Variants in CNOT4 observed in about 807,000 individuals in gnomAD.
CNOT4 encodes CCR4-NOT transcription complex subunit 4, also known as CCR4-associated factor 4.
A neutral mutation model predicts 73.8 loss-of-function variants in CNOT4; 8 were observed. The ratio of observed to expected loss-of-function variants is 0.11; its 90% CI spans 0.06 to 0.20. The LOEUF (loss-of-function observed/expected upper bound fraction) is 0.20. Among genes scored for constraint, CNOT4 ranks in the 10% least tolerant of loss-of-function variants. The pLI, the probability that CNOT4 is intolerant of heterozygous loss-of-function variation, is 1.00. For synonymous variants in CNOT4, 293 were observed against 321.1 expected (o/e 0.91, Z 0.94); for missense variants, 564 against 883.4 (o/e 0.64, Z 4.58).
intron 10 of CNOT4, among the ~76,000 whole-genome samples, chr7:135,377,870 GAAGAC>G (rs1460617720): frequency 6.6e-6 from 1 of 152,092 alleles, no homozygotes; most frequent in Non-Finnish European, 1.5e-5. Context: ...AGGCAAAAAA[GAAGAC>G]TAGATGAAAA....
chr7:135,392,452 C>T (rs753267455), intron 10 of CNOT4, among the ~76,000 whole-genome samples: 1 of 152,010 alleles, frequency 6.6e-6, no homozygotes, highest in African/African-American at 2.4e-5. Flanking sequence ...ATGAGATACA[C>T]TACTAGTAAT....
chr7:135,509,832 T>C, intron 1 of CNOT4, 57 bp downstream of exon 1: 1 of 389,290 alleles, frequency 2.6e-6, no homozygotes, highest in South Asian at 1.4e-4. Flanking sequence ...AAGCCTCCGC[T>C]CTCTCGTAGC....
chr7:135,444,833 G>A (rs1019583126), intron 1 of CNOT4: 28 of 1,606,614 alleles, frequency 1.7e-5, no homozygotes, highest in Non-Finnish European at 2.3e-5. Flanking sequence ...CCAAGGCAGG[G>A]CTTTTGGCAC....
At chr7:135,496,346 G>A (rs1458175654) in intron 1 of CNOT4, among the ~76,000 whole-genome samples, 1 of 152,152 alleles carries the variant, frequency 6.6e-6, no homozygotes, top group Non-Finnish European at 1.5e-5. Context: ...GCTCGCCTTG[G>A]CCTCCCACAG....
intron 7 of CNOT4, among the ~76,000 whole-genome samples, chr7:135,405,181 C>T (rs981299013): frequency 2.0e-5 from 3 of 151,964 alleles, no homozygotes; most frequent in African/African-American, 4.8e-5. Flanking sequence ...TTTTTTTACC[C>T]GTAGTAAGAA....
chr7:135,389,215 C>CT (rs36060528), intron 10 of CNOT4, among the ~76,000 whole-genome samples: 5,047 of 147,972 alleles, frequency 0.034, 296 homozygotes, highest in African/African-American at 0.12. Context: ...CCAATTGGAC[C>CT]CTTATAGATA....
intron 2 of CNOT4, among the ~76,000 whole-genome samples, chr7:135,427,944 T>C (rs1798597962): frequency 6.6e-6 from 1 of 152,254 alleles, no homozygotes; most frequent in South Asian, 2.1e-4. Context: ...ATGGTAGTCT[T>C]TGGCAAGATA....
intron 2 of CNOT4, among the ~76,000 whole-genome samples, chr7:135,428,385 A>G (rs1387187018): frequency 1.3e-5 from 2 of 152,232 alleles, no homozygotes; most frequent in African/African-American, 4.8e-5. Flanking sequence ...GCAGAAATAT[A>G]GCCCACAGAC....
At chr7:135,444,760 G>A (rs1585653484) in intron 1 of CNOT4, 1 of 1,500,200 alleles carries the variant, frequency 6.7e-7, no homozygotes, top group East Asian at 2.3e-5. Context: ...ACTCTTCATG[G>A]TCACTGGGGC....
intron 1 of CNOT4, among the ~76,000 whole-genome samples, chr7:135,463,611 A>C (rs1463135447): frequency 6.6e-6 from 1 of 151,560 alleles, no homozygotes; most frequent in African/African-American, 2.4e-5. Context: ...ACCATCCTGG[A>C]TGTAGGAACC....
chr7:135,394,381 T>C lies in CNOT4; in HGVS notation c.1164A>G (p.Gln388=), dbSNP rs370358574. 1 of 1,613,752 alleles carries C rather than the reference T, an allele frequency of 6.2e-7. No individual in the cohort carries two copies. Among genetic ancestry groups the C allele is most frequent in the South Asian group, 1.1e-5 (1 of 91,042 alleles). ...TAGAAGAACCAAAGCCAAAAGCTGC[T>C]TGCCAGTCTGTAGAGGATGATACTG... The part of the protein sequence containing the change: ...TIPVSSSTDW[Q]AAFGFGSSKQ... The change falls in exon 10 of 12, where the codon CAA becomes CAG. Residue 388 remains glutamine (Q), a synonymous_variant. Coordinates refer to ENST00000541284, the MANE Select transcript of CNOT4 (RefSeq NM_001190850.2).
chr7:135,467,379 T>A (rs1443575037), intron 1 of CNOT4, among the ~76,000 whole-genome samples: 2 of 152,046 alleles, frequency 1.3e-5, no homozygotes, highest in Non-Finnish European at 2.9e-5. Flanking sequence ...TCGCTGTGAG[T>A]CAGCCTTCTT....
At chr7:135,377,304 C>T (rs7455447) in intron 10 of CNOT4, among the ~76,000 whole-genome samples, 11,712 of 152,234 alleles carry the variant, frequency 0.077, 507 homozygotes, top group Middle Eastern at 0.13. Context: ...CTGTGTTCCA[C>T]CTATTCACCA....
At position 135,362,912 on chromosome 7, in the gene CNOT4, T is replaced by C. The variant is rs1462670900; in HGVS notation, c.2115A>G (p.Leu705=). ...AATGGCGGTCCAGTGTTGAACTCTG[T>C]AGTAAATCTGTGGGGGTTTTGCTGG... The part of the protein sequence containing the change: ...RPPSKTPTDL[L]QSSTLDRH Residue 705 remains leucine (L), a synonymous_variant, in exon 12 of 12, where the codon CTA becomes CTG. Transcript: ENST00000541284. The C allele has an allele frequency of 6.2e-7, 1 of 1,612,196 alleles. No individual in the cohort carries two copies. The highest frequency in any genetic ancestry group is 1.1e-5 in the South Asian group (1 of 91,018).
chr7:135,478,731 C>G (rs1802159347), intron 1 of CNOT4, among the ~76,000 whole-genome samples: 2 of 152,012 alleles, frequency 1.3e-5, no homozygotes, highest in South Asian at 4.1e-4. Flanking sequence ...TAAAGTCAAC[C>G]AAATCTCATC....
At chr7:135,491,842 T>A (rs1448742494) in intron 1 of CNOT4, among the ~76,000 whole-genome samples, 1 of 151,948 alleles carries the variant, frequency 6.6e-6, no homozygotes, top group African/African-American at 2.4e-5. Context: ...TCTATAGGAG[T>A]TACATACTAC....
At chr7:135,478,395 A>C (rs150308489) in intron 1 of CNOT4, among the ~76,000 whole-genome samples, 136 of 152,368 alleles carry the variant, frequency 8.9e-4, no homozygotes, top group Non-Finnish European at 9.0e-4. Context: ...ATTCATAAAA[A>C]TCAACCAGGC....
intron 1 of CNOT4, among the ~76,000 whole-genome samples, chr7:135,466,022 C>G (rs528401696): frequency 5.3e-5 from 8 of 151,714 alleles, no homozygotes; most frequent in African/African-American, 1.9e-4. Flanking sequence ...GCACTCCAGC[C>G]TGGGCAACAA....
intron 9 of CNOT4, among the ~76,000 whole-genome samples, chr7:135,394,660 G>A (rs943174117): frequency 2.6e-5 from 4 of 151,856 alleles, no homozygotes; most frequent in African/African-American, 7.3e-5. Flanking sequence ...GCTAATCAAA[G>A]GAAAAAAATG....
Sources: gnomAD v4.1 joint callset for allele counts (sites outside exome capture counted in the v4.1 genomes callset) on GRCh38, gnomAD v4.1.1 for gene constraint, MANE v1.5 for transcripts, NCBI Gene and HGNC (gene_info 2026-07-23, HGNC 2026-07-21) for gene names.